The following MCC variants were observed in gnomAD, a reference collection of about 807,000 sequenced individuals.
The protein encoded by MCC is MCC regulator of Wnt signaling pathway.
Under a neutral mutation model 116.2 loss-of-function variants are expected in MCC, and 90 were observed. The observed-to-expected ratio is 0.77, with a 90% CI of 0.65 to 0.92. MCC has a LOEUF of 0.92. MCC is among the 40% of genes least tolerant of loss of function. The probability of loss-of-function intolerance (pLI) is 0.00; values close to 1 mark genes in which losing one functional copy is unlikely to be tolerated. For missense variants in MCC, 1,516 were observed against 1,312.2 expected (o/e 1.16, Z -2.40); for synonymous variants, 578 against 510.5 (o/e 1.13, Z -1.78).
intron 14 of MCC, among the ~76,000 whole-genome samples, chr5:113,060,274 C>T (rs745676253): frequency 6.6e-6 from 1 of 152,150 alleles, no homozygotes; most frequent in Non-Finnish European, 1.5e-5. Flanking sequence ...CCTGCCTCAG[C>T]CTCCTGAGTA....
chr5:113,152,329 G>A (rs996126976), intron 3 of MCC, among the ~76,000 whole-genome samples: 13 of 152,220 alleles, frequency 8.5e-5, no homozygotes, highest in African/African-American at 3.1e-4. Flanking sequence ...TTTAAGACCC[G>A]TTCAACACAC....
At chr5:113,464,221 C>G (rs1325706038) in intron 1 of MCC, among the ~76,000 whole-genome samples, 1 of 152,116 alleles carries the variant, frequency 6.6e-6, no homozygotes, top group Non-Finnish European at 1.5e-5. Context: ...GGCAATCAAA[C>G]AGAATCAAGC....
chr5:113,197,879 G>A (rs772476784), intron 3 of MCC, among the ~76,000 whole-genome samples: 8 of 152,338 alleles, frequency 5.3e-5, no homozygotes, highest in South Asian at 2.1e-4. Context: ...GCTGCGTTCC[G>A]TAAACCCAGG....
chr5:113,117,448 G>A (rs1757459582), intron 6 of MCC, among the ~76,000 whole-genome samples: 1 of 152,216 alleles, frequency 6.6e-6, no homozygotes. Flanking sequence ...GGGTATAAGA[G>A]TAGATTTCAA....
chr5:113,227,325 TAA>T (rs10610272), intron 3 of MCC, among the ~76,000 whole-genome samples: 14,613 of 152,182 alleles, frequency 0.096, 1,152 homozygotes, highest in Admixed American at 0.25. Flanking sequence ...CCAGAAAATA[TAA>T]GTCTGTTCAA....
chr5:113,036,396 G>C (rs1368672710), intron 17 of MCC, among the ~76,000 whole-genome samples: 1 of 152,164 alleles, frequency 6.6e-6, no homozygotes, highest in Admixed American at 6.5e-5. Context: ...CTGGGATTCT[G>C]TCTGCAGAGC....
chr5:113,396,067 C>T (rs1374864432), intron 1 of MCC, among the ~76,000 whole-genome samples: 1 of 152,174 alleles, frequency 6.6e-6, no homozygotes, highest in African/African-American at 2.4e-5. Flanking sequence ...GTGGCTCATG[C>T]CTGTTATTCC....
chr5:113,195,061 T>TA (rs1762330414), intron 3 of MCC, among the ~76,000 whole-genome samples: 1 of 152,194 alleles, frequency 6.6e-6, no homozygotes, highest in South Asian at 2.1e-4. Context: ...GATTGTGCCC[T>TA]AGGCTTTCCC....
intron 1 of MCC, among the ~76,000 whole-genome samples, chr5:113,407,394 A>G (rs1240298527): frequency 6.6e-6 from 1 of 152,144 alleles, no homozygotes; most frequent in South Asian, 2.1e-4. Context: ...TACCTTTGCT[A>G]TTTTCTAGAT....
chr5:113,304,527 G>C (rs1766935896), intron 3 of MCC, among the ~76,000 whole-genome samples: 1 of 152,282 alleles, frequency 6.6e-6, no homozygotes, highest in Non-Finnish European at 1.5e-5. Flanking sequence ...GTGGGGATTT[G>C]ATAATGATTT....
rs192810872 is a variant in MCC at position 113,332,188 on chromosome 5, C to T, written c.627+8331G>A. Among the ~76,000 whole-genome samples the T allele has an allele frequency of 2.6e-5, 4 of 151,186 alleles. No homozygotes were observed. The East Asian group carries it at 7.7e-4, about 29-fold the overall frequency. On this transcript the variant is annotated intron_variant, in intron 3 of 18. Transcript: ENST00000408903. ...AAGTAACTTTCTTTTTTGATGTTTCCTTTATTTTTTGAGACAATGTCTTGC... is the reference window on the plus strand; with the variant it reads ...AAGTAACTTTCTTTTTTGATGTTTCTTTTATTTTTTGAGACAATGTCTTGC...
Position 113,151,343 on chromosome 5 carries a change from C to T in MCC, c.707G>A (p.Arg236Gln), listed in dbSNP as rs1423943750. ...GGCCAATTTCTTTTCCAGAAGGTCC[C>T]GTTCCCTCTCTGTTTGCTGGAGACG... ...NKRLQQTERE[R>Q]DLLEKKLAKA... The change falls in exon 4 of 19, where the codon CGG becomes CAG. Residue 236 changes from arginine to glutamine, a missense_variant. Coordinates refer to ENST00000408903, the MANE Select transcript of MCC (RefSeq NM_001085377.2). 10 of 1,613,626 alleles carry T rather than the reference C, an allele frequency of 6.2e-6. No individual in the cohort carries two copies. The highest frequency in any genetic ancestry group is 2.2e-5 in the East Asian group (1 of 44,860).
intron 2 of MCC, among the ~76,000 whole-genome samples, chr5:113,374,316 C>T (rs1367972324): frequency 1.3e-5 from 2 of 151,668 alleles, no homozygotes; most frequent in African/African-American, 2.4e-5. Context: ...TTCTTTGTTC[C>T]TTGATCCTGA....
chr5:113,440,860 T>C (rs1286471820), intron 1 of MCC, among the ~76,000 whole-genome samples: 1 of 152,162 alleles, frequency 6.6e-6, no homozygotes, highest in East Asian at 1.9e-4. Flanking sequence ...TGGCTGATAA[T>C]GAAAGATCCA....
chr5:113,364,473 G>C (rs1170200072), intron 2 of MCC, among the ~76,000 whole-genome samples: 2 of 152,170 alleles, frequency 1.3e-5, no homozygotes, highest in East Asian at 3.9e-4. Context: ...TCATGGGCTG[G>C]CACTAAGTGC....
intron 3 of MCC, among the ~76,000 whole-genome samples, chr5:113,227,044 A>T (rs1763767483): frequency 6.6e-6 from 1 of 152,252 alleles, no homozygotes; most frequent in South Asian, 2.1e-4. Context: ...GATATTTAAC[A>T]GTAGCAGAGA....
At chr5:113,223,024 A>G (rs945435981) in intron 3 of MCC, among the ~76,000 whole-genome samples, 1 of 152,198 alleles carries the variant, frequency 6.6e-6, no homozygotes, top group African/African-American at 2.4e-5. Flanking sequence ...GCTTTGCCAG[A>G]CTACTGTGAG....
At chr5:113,087,037 T>C (rs934547165) in intron 8 of MCC, among the ~76,000 whole-genome samples, 8 of 152,106 alleles carry the variant, frequency 5.3e-5, no homozygotes, top group Non-Finnish European at 1.2e-4. Flanking sequence ...TTTAATCCCA[T>C]AGACAGGAAG....
chr5:113,149,895 G>A (rs1759745562), intron 4 of MCC, among the ~76,000 whole-genome samples: 1 of 152,096 alleles, frequency 6.6e-6, no homozygotes, highest in Non-Finnish European at 1.5e-5. Context: ...CTGAGAACTG[G>A]AAAACCCCTA....
Sources: gnomAD v4.1 joint callset for allele counts (sites outside exome capture counted in the v4.1 genomes callset) on GRCh38, gnomAD v4.1.1 for gene constraint, MANE v1.5 for transcripts, NCBI Gene and HGNC (gene_info 2026-07-23, HGNC 2026-07-21) for gene names.